Variants in CDH8 observed in about 807,000 individuals in gnomAD.
CDH8 encodes cadherin 8.
CDH8 carries 17 observed loss-of-function variants against 68.1 expected under a neutral mutation model. That is an observed-to-expected ratio of 0.25 (90% CI 0.17 to 0.37). CDH8 has a LOEUF of 0.37. CDH8 is among the 10% of genes least tolerant of loss of function. The pLI is 1.00. For missense variants in CDH8, 763 were observed against 999.3 expected, an observed-to-expected ratio of 0.76 and a Z score of 3.19; for synonymous variants, 372 against 365.1, an observed-to-expected ratio of 1.02 and a Z score of -0.21.
At position 61,648,157 on chromosome 16, in the gene CDH8, TTCTC is replaced by T. The variant is rs563606104; in HGVS notation, c.*5447_*5450del. 102 of 260,770 alleles carry T rather than the reference TTCTC, an allele frequency of 3.9e-4. 1 individual carries two copies. Among genetic ancestry groups the T allele is most frequent in the African/African-American group, 1.9e-3 (86 of 44,446 alleles). 16.2% of individuals were successfully genotyped at this position (260,770 alleles called of 1,614,324 possible). On this transcript the variant is annotated 3_prime_UTR_variant, in exon 12 of 12. Transcript: ENST00000577390. Reference sequence around the variant, plus strand: ...CCAAATACCAGCATGTAATTTCTGTTTCTCTCACATATTTGATGTGTAATTTAAC... The same window carrying T: ...CCAAATACCAGCATGTAATTTCTGTTTCACATATTTGATGTGTAATTTAAC...
chr16:61,753,927 T>C (rs1348981169), intron 8 of CDH8, among the ~76,000 whole-genome samples: 1 of 152,070 alleles, frequency 6.6e-6, no homozygotes, highest in Non-Finnish European at 1.5e-5. Flanking sequence ...TTGGATATTA[T>C]TATATATTAC....
chr16:61,989,238 A>C (rs1965676592), intron 2 of CDH8, among the ~76,000 whole-genome samples: 1 of 152,220 alleles, frequency 6.6e-6, no homozygotes, highest in African/African-American at 2.4e-5. Context: ...ATTCTTTGGC[A>C]AGGGTAACGA....
intron 10 of CDH8, among the ~76,000 whole-genome samples, chr16:61,664,963 C>G (rs575106938): frequency 2.0e-5 from 3 of 151,970 alleles, no homozygotes; most frequent in Non-Finnish European, 4.4e-5. Flanking sequence ...TATAACATAT[C>G]ATTTTTCTTG....
At chr16:61,772,404 C>T (rs1960799631) in intron 8 of CDH8, among the ~76,000 whole-genome samples, 1 of 151,952 alleles carries the variant, frequency 6.6e-6, no homozygotes, top group Non-Finnish European at 1.5e-5. Context: ...AAAAGTGAGA[C>T]AAAGCTAGGA....
At chr16:61,795,903 C>A (rs906888693) in intron 7 of CDH8, among the ~76,000 whole-genome samples, 8 of 151,986 alleles carry the variant, frequency 5.3e-5, no homozygotes, top group Non-Finnish European at 1.2e-4. Context: ...CCTTTTATAC[C>A]TGGCCCTAGA....
At chr16:61,669,872 T>A (rs369456336) in intron 10 of CDH8, among the ~76,000 whole-genome samples, 1 of 152,212 alleles carries the variant, frequency 6.6e-6, no homozygotes, top group East Asian at 1.9e-4. Context: ...TAACATTTTC[T>A]CGTTAGCGTT....
intron 2 of CDH8, among the ~76,000 whole-genome samples, chr16:61,923,511 G>A (rs1325105860): frequency 1.3e-5 from 2 of 152,066 alleles, no homozygotes; most frequent in East Asian, 3.9e-4. Flanking sequence ...TATGACCACA[G>A]GAAAGTCAAA....
At chr16:61,780,812 A>G (rs1175013736) in intron 8 of CDH8, among the ~76,000 whole-genome samples, 1 of 152,192 alleles carries the variant, frequency 6.6e-6, no homozygotes, top group Non-Finnish European at 1.5e-5. Flanking sequence ...CTGTGATCTT[A>G]TGATTTCCAC....
At chr16:61,672,044 ACTTT>A (rs978037864) in intron 10 of CDH8, among the ~76,000 whole-genome samples, 1 of 152,120 alleles carries the variant, frequency 6.6e-6, no homozygotes, top group African/African-American at 2.4e-5. Flanking sequence ...TCATTTTAAT[ACTTT>A]CTTTTAAAAT....
At chr16:61,710,758 C>T (rs973761185) in intron 10 of CDH8, 1 of 151,762 alleles carries the variant, frequency 6.6e-6, no homozygotes, top group Non-Finnish European at 1.5e-5. Flanking sequence ...TTTTTACCTA[C>T]AGTGTTCAGG....
At chr16:62,017,695 G>T (rs1282236598) in intron 2 of CDH8, among the ~76,000 whole-genome samples, 1 of 152,072 alleles carries the variant, frequency 6.6e-6, no homozygotes, top group Non-Finnish European at 1.5e-5. Context: ...CAATATATTT[G>T]ACCACTAACT....
At chr16:61,856,898 A>G (rs756455575) in intron 4 of CDH8, among the ~76,000 whole-genome samples, 1 of 152,182 alleles carries the variant, frequency 6.6e-6, no homozygotes, top group Non-Finnish European at 1.5e-5. Context: ...GTGTCAGATC[A>G]TGTGTTAAAT....
At chr16:61,760,462 C>T (rs181364488) in intron 8 of CDH8, among the ~76,000 whole-genome samples, 2 of 152,042 alleles carry the variant, frequency 1.3e-5, no homozygotes, top group African/African-American at 2.4e-5. Flanking sequence ...AGGTGCCCAC[C>T]ACCATGCCCA....
intron 2 of CDH8, among the ~76,000 whole-genome samples, chr16:61,982,205 T>C (rs1965544375): frequency 6.6e-6 from 1 of 152,158 alleles, no homozygotes; most frequent in Admixed American, 6.5e-5. Context: ...ACTCTTTAGC[T>C]GTGAGACATT....
chr16:61,694,700 T>C (rs1964292960), intron 10 of CDH8, among the ~76,000 whole-genome samples: 1 of 152,148 alleles, frequency 6.6e-6, no homozygotes, highest in Non-Finnish European at 1.5e-5. Context: ...CTGTGTTCTA[T>C]AATAATTAGG....
chr16:61,865,857 T>C (rs1963243349), intron 3 of CDH8, among the ~76,000 whole-genome samples: 1 of 152,168 alleles, frequency 6.6e-6, no homozygotes, highest in African/African-American at 2.4e-5. Context: ...GCTATCGATA[T>C]CCATACTGAC....
intron 8 of CDH8, among the ~76,000 whole-genome samples, chr16:61,788,089 A>T (rs937211189): frequency 2.4e-5 from 3 of 123,574 alleles, no homozygotes; most frequent in African/African-American, 3.5e-5. Flanking sequence ...AAAGTATAAT[A>T]AAAAAAAAAA....
At position 61,717,652 on chromosome 16, in the gene CDH8, T is replaced by C. The variant is rs377639149; in HGVS notation, c.1537-3694A>G. 5.3e-5 allele frequency among the ~76,000 whole-genome samples: 8 copies of C among 151,646 alleles called. No individual in the cohort carries two copies. The East Asian group carries it at 9.7e-4, about 18-fold the overall frequency. On this transcript the variant is annotated intron_variant, in intron 9 of 11. Transcript: ENST00000577390. Reference sequence around the variant, plus strand: ...GATCTGATCTGTTAACAAGCATAGCTGTATCACAGGATCTATTAGAACCTC... The same window carrying C: ...GATCTGATCTGTTAACAAGCATAGCCGTATCACAGGATCTATTAGAACCTC...
In CDH8 at chr16:61,651,878, C is replaced by T. The variant is rs62045331; in HGVS notation, c.*1730G>A. 0.14 allele frequency: 21,682 copies of T among 159,844 alleles called. 1,625 individuals carry two copies. The highest frequency in any genetic ancestry group is 0.2 in the African/African-American group (8,305 of 41,522). The allele number at this position is 159,844 out of a possible 1,614,324, so 9.9% of individuals were successfully genotyped here. On this transcript the variant is annotated 3_prime_UTR_variant, in exon 12 of 12. Coordinates refer to ENST00000577390, the MANE Select transcript of CDH8 (RefSeq NM_001796.5). ...CAAGCCATTTCTCTTCTCTGTTTCT[C>T]TATAATAAAGAGTCTTACAAACAAA...
Sources: allele counts gnomAD v4.1 joint callset (sites outside exome capture counted in the v4.1 genomes callset), GRCh38; gene constraint gnomAD v4.1.1; transcripts MANE v1.5; gene names NCBI Gene and HGNC (gene_info 2026-07-23, HGNC 2026-07-21).